Variants in RBMS3 observed in about 807,000 individuals in gnomAD.
RBMS3 encodes RNA binding motif single stranded interacting protein 3.
Under a neutral mutation model 66.8 loss-of-function variants are expected in RBMS3, and 27 were observed. The ratio of observed to expected loss-of-function variants is 0.40; its 90% CI spans 0.30 to 0.56. The LOEUF (loss-of-function observed/expected upper bound fraction) is 0.56, where lower values mean the gene tolerates loss of function less well. RBMS3 is among the 20% of genes least tolerant of loss of function. RBMS3 has a pLI of 0.40. For synonymous variants in RBMS3, 188 were observed against 183.0 expected (o/e 1.03, Z -0.22); for missense variants, 513 against 549.5 (o/e 0.93, Z 0.66).
At chr3:29,907,192 T>C (rs1348155479) in intron 10 of RBMS3, among the ~76,000 whole-genome samples, 2 of 152,168 alleles carry the variant, frequency 1.3e-5, no homozygotes, top group Non-Finnish European at 2.9e-5. Context: ...TGATGCTGTT[T>C]AGCCTTTTCT....
intron 6 of RBMS3, among the ~76,000 whole-genome samples, chr3:29,793,781 G>A (rs1276971662): frequency 6.6e-6 from 1 of 152,168 alleles, no homozygotes; most frequent in African/African-American, 2.4e-5. Flanking sequence ...TAGTGTATGT[G>A]GAATCCCGTT....
intron 1 of RBMS3, among the ~76,000 whole-genome samples, chr3:29,358,587 T>G (rs897197466): frequency 2.6e-5 from 4 of 152,164 alleles, no homozygotes; most frequent in Non-Finnish European, 1.5e-5. Flanking sequence ...GTGAAGAAAG[T>G]CATTGGTAGC....
chr3:29,453,548 G>A (rs1275329334), intron 2 of RBMS3, among the ~76,000 whole-genome samples: 3 of 152,204 alleles, frequency 2.0e-5, no homozygotes, highest in Non-Finnish European at 4.4e-5. Flanking sequence ...AACCCTTGAG[G>A]CTTTCTCTGG....
intron 7 of RBMS3, chr3:29,880,860 A>C (rs2059721286): frequency 6.6e-7 from 1 of 1,510,628 alleles, no homozygotes; most frequent in Non-Finnish European, 8.9e-7. Context: ...TTGCAATGAA[A>C]ATCTCACCTT....
At chr3:29,901,423 G>T (rs1559783446) in intron 10 of RBMS3, among the ~76,000 whole-genome samples, 1 of 151,706 alleles carries the variant, frequency 6.6e-6, no homozygotes, top group African/African-American at 2.4e-5. Context: ...TGCACATCTG[G>T]CAAAATCTGA....
intron 6 of RBMS3, among the ~76,000 whole-genome samples, chr3:29,868,279 A>G (rs1422888337): frequency 1.3e-5 from 2 of 152,156 alleles, no homozygotes; most frequent in African/African-American, 4.8e-5. Flanking sequence ...ACTTAACATT[A>G]TAATAATTGT....
At chr3:29,908,155 G>A (rs972791018) in intron 10 of RBMS3, among the ~76,000 whole-genome samples, 64 of 152,086 alleles carry the variant, frequency 4.2e-4, no homozygotes, top group African/African-American at 1.5e-3. Flanking sequence ...GGAAGCTGAG[G>A]TGGGAGGATT....
At chr3:29,702,260 C>T (rs1389626498) in intron 4 of RBMS3, among the ~76,000 whole-genome samples, 1 of 151,932 alleles carries the variant, frequency 6.6e-6, no homozygotes, top group Admixed American at 6.6e-5. Flanking sequence ...GTAAATGCAC[C>T]AATCAGTGCT....
intron 4 of RBMS3, among the ~76,000 whole-genome samples, chr3:29,651,778 C>A (rs2050152477): frequency 6.6e-6 from 1 of 152,134 alleles, no homozygotes; most frequent in African/African-American, 2.4e-5. Flanking sequence ...TGATTTACAA[C>A]AATGGCAGTT....
chr3:29,700,299 G>A (rs2052498844), intron 4 of RBMS3, among the ~76,000 whole-genome samples: 1 of 152,180 alleles, frequency 6.6e-6, no homozygotes, highest in African/African-American at 2.4e-5. Context: ...AGTCAAGACA[G>A]GAATAGTATG....
intron 6 of RBMS3, among the ~76,000 whole-genome samples, chr3:29,780,773 A>C (rs766431978): frequency 5.9e-5 from 9 of 152,160 alleles, no homozygotes; most frequent in Non-Finnish European, 1.2e-4. Flanking sequence ...ACAAATCCTT[A>C]TAATACATCT....
intron 6 of RBMS3, among the ~76,000 whole-genome samples, chr3:29,774,342 C>T (rs1320723311): frequency 1.3e-5 from 2 of 151,878 alleles, no homozygotes; most frequent in African/African-American, 2.4e-5. Context: ...CAGATAAAAC[C>T]GTGATCAGGT....
At chr3:29,941,137 C>T (rs756255102) in intron 11 of RBMS3, among the ~76,000 whole-genome samples, 8 of 151,810 alleles carry the variant, frequency 5.3e-5, no homozygotes, top group Non-Finnish European at 1.0e-4. Context: ...GTTCTCCAAG[C>T]CACTGATGAT....
At chr3:29,392,775 T>G (rs114109608) in intron 1 of RBMS3, among the ~76,000 whole-genome samples, 1 of 152,136 alleles carries the variant, frequency 6.6e-6, no homozygotes, top group African/African-American at 2.4e-5. Context: ...GTCACAGTTA[T>G]ACATCTATGA....
intron 3 of RBMS3, among the ~76,000 whole-genome samples, chr3:29,489,152 T>TG (rs1216591840): frequency 6.6e-6 from 1 of 152,206 alleles, no homozygotes; most frequent in East Asian, 1.9e-4. Context: ...ACTGGAAAAT[T>TG]GGAATGCTTC....
chr3:29,515,366 G>C (rs184321888), intron 3 of RBMS3, among the ~76,000 whole-genome samples: 3 of 152,148 alleles, frequency 2.0e-5, no homozygotes, highest in Non-Finnish European at 2.9e-5. Context: ...ATGCAAGCTC[G>C]TCTTATGGTG....
At chr3:29,370,589 G>A (rs1202111552) in intron 1 of RBMS3, among the ~76,000 whole-genome samples, 1 of 152,144 alleles carries the variant, frequency 6.6e-6, no homozygotes, top group African/African-American at 2.4e-5. Context: ...GATTCCAAGT[G>A]TCTAATAAAT....
chr3:29,890,576 AT>A (rs1332553158), intron 8 of RBMS3, among the ~76,000 whole-genome samples: 1 of 151,668 alleles, frequency 6.6e-6, no homozygotes, highest in African/African-American at 2.4e-5. Context: ...AAGCTTAACA[AT>A]TTTTTTCAAC....
At chr3:29,675,172 G>A (rs1418859393) in intron 4 of RBMS3, among the ~76,000 whole-genome samples, 6 of 152,100 alleles carry the variant, frequency 3.9e-5, no homozygotes, top group African/African-American at 2.4e-5. Flanking sequence ...ACAAGAAATG[G>A]GGAAAGGATT....
Sources: gnomAD v4.1 joint callset for allele counts (sites outside exome capture counted in the v4.1 genomes callset) on GRCh38, gnomAD v4.1.1 for gene constraint, MANE v1.5 for transcripts, NCBI Gene and HGNC (gene_info 2026-07-23, HGNC 2026-07-21) for gene names.